The following CFAP46 variants were observed in gnomAD, a reference collection of about 807,000 sequenced individuals.
CFAP46 encodes cilia- and flagella-associated protein 46.
A neutral mutation model predicts 325.7 loss-of-function variants in CFAP46; 245 were observed. The ratio of observed to expected loss-of-function variants is 0.75; its 90% CI spans 0.68 to 0.84. The LOEUF (loss-of-function observed/expected upper bound fraction) is 0.84. Ranked by LOEUF, CFAP46 falls within the 40% of genes least tolerant of loss-of-function variation. The pLI is 0.00. For missense variants in CFAP46, 3,346 were observed against 3,543.0 expected (o/e 0.94, Z 1.41); for synonymous variants, 1,523 against 1,495.9 (o/e 1.02, Z -0.42).
At chr10:132,862,322 C>T (rs1224900337) in intron 35 of CFAP46, among the ~76,000 whole-genome samples, 8 of 152,008 alleles carry the variant, frequency 5.3e-5, no homozygotes, top group East Asian at 1.9e-4. Context: ...TACAGTGGGC[C>T]GGAGGCCGGC....
intron 32 of CFAP46, chr10:132,872,447 T>G (rs1197010758): frequency 3.8e-6 from 2 of 525,010 alleles, no homozygotes; most frequent in Non-Finnish European, 6.8e-6. Context: ...TTTGTAGAGA[T>G]GGGGTCTTGC....
chr10:132,858,220 G>A (rs1176497630), intron 38 of CFAP46, among the ~76,000 whole-genome samples: 1 of 152,144 alleles, frequency 6.6e-6, no homozygotes, highest in African/African-American at 2.4e-5. Flanking sequence ...GTGTGGACAA[G>A]TCCGGGGGCC....
intron 17 of CFAP46, 107 bp downstream of exon 17, chr10:132,916,442 G>T: frequency 8.0e-7 from 1 of 1,243,594 alleles, no homozygotes. Flanking sequence ...AGAAGCCGGT[G>T]TCCTTACGAA....
intron 22 of CFAP46, among the ~76,000 whole-genome samples, chr10:132,906,333 G>A (rs958101983): frequency 4.6e-5 from 7 of 152,266 alleles, no homozygotes; most frequent in Non-Finnish European, 8.8e-5. Flanking sequence ...TTCAGTCCCA[G>A]CTCTGCCACT....
Position 132,910,082 on chromosome 10 carries a change from G to A in CFAP46, c.2500-14C>T. On this transcript the variant is annotated splice_polypyrimidine_tract_variant and intron_variant, in intron 19 of 57. Coordinates refer to ENST00000368586, the MANE Select transcript of CFAP46 (RefSeq NM_001200049.3). The stretch of plus-strand genomic sequence containing the variant: ...AAACTCGCAGACCTAGGACAGACGT[G>A]TTCTCGGTCACGAAACCTGAATTCT... 1 of 1,408,062 alleles carries A rather than the reference G, an allele frequency of 7.1e-7. No homozygotes were observed. Among genetic ancestry groups the A allele is most frequent in the Non-Finnish European group, 9.3e-7 (1 of 1,076,404 alleles). 87.2% of individuals were successfully genotyped at this position (1,408,062 alleles called of 1,614,324 possible).
intron 50 of CFAP46, among the ~76,000 whole-genome samples, chr10:132,825,241 CCTGATGTGTGCTGTGTGAGTG>C (rs1432958805): frequency 5.3e-5 from 5 of 94,350 alleles, no homozygotes; most frequent in African/African-American, 1.2e-4. Context: ...GTGTGTGTGC[CCTGATGTGTGCTGTGTGAGTG>C]CTGATGTGTG....
chr10:132,842,080 G>A (rs1011473016), intron 44 of CFAP46, among the ~76,000 whole-genome samples: 1 of 152,236 alleles, frequency 6.6e-6, no homozygotes, highest in African/African-American at 2.4e-5. Flanking sequence ...AGAGCTTCCA[G>A]ATCCTTCCGC....
At chr10:132,880,118 ATGTG>A (rs142292189) in intron 28 of CFAP46, among the ~76,000 whole-genome samples, 2 of 150,640 alleles carry the variant, frequency 1.3e-5, no homozygotes, top group African/African-American at 2.4e-5. Context: ...GTGTGCATGT[ATGTG>A]TGTGTGTGTG....
chr10:132,910,289 C>T (rs1004264580), intron 19 of CFAP46, among the ~76,000 whole-genome samples: 10 of 152,234 alleles, frequency 6.6e-5, no homozygotes, highest in African/African-American at 9.6e-5. Context: ...GCCTCCAGTG[C>T]GCCCCGGCCC....
chr10:132,940,898 G>T, intron 4 of CFAP46, 98 bp downstream of exon 4: 1 of 1,227,770 alleles, frequency 8.1e-7, no homozygotes. Flanking sequence ...CAAACGAGGG[G>T]AAACCCCACA....
At chr10:132,928,739 G>A (rs755458477) in intron 9 of CFAP46, among the ~76,000 whole-genome samples, 14 of 152,134 alleles carry the variant, frequency 9.2e-5, no homozygotes, top group South Asian at 2.1e-4. Context: ...TGTGTAAAGC[G>A]ACACTCAGTT....
intron 35 of CFAP46, among the ~76,000 whole-genome samples, chr10:132,861,580 G>A (rs1251291721): frequency 6.6e-6 from 1 of 152,222 alleles, no homozygotes; most frequent in Non-Finnish European, 1.5e-5. Flanking sequence ...CCATCCGGGG[G>A]CCTGCAGCCA....
intron 50 of CFAP46, among the ~76,000 whole-genome samples, chr10:132,822,287 T>A (rs1565036116): frequency 7.7e-6 from 1 of 130,386 alleles, no homozygotes; most frequent in Non-Finnish European, 1.6e-5. Flanking sequence ...TGAGTGCTGG[T>A]GTGCTGATGT....
In CFAP46 at chr10:132,912,722, A is replaced by C. The variant is rs1433897118; in HGVS notation, c.2432T>G (p.Met811Arg). Reference sequence around the variant, plus strand: ...TGGGCTGTGAAACGCGTTTGGTCGCATGAATTTCCTGGACTTCTCGGCAGC... The same window carrying C: ...TGGGCTGTGAAACGCGTTTGGTCGCCTGAATTTCCTGGACTTCTCGGCAGC... ...VQAAEKSRKF[M>R]RPNAFHSPLD... The change falls in exon 19 of 58, where the codon ATG becomes AGG. Residue 811 changes from methionine (M) to arginine (R), a missense_variant. Transcript: ENST00000368586. The C allele has an allele frequency of 6.5e-7, 1 of 1,550,224 alleles. No homozygotes were observed. The highest frequency in any genetic ancestry group is 1.2e-5 in the South Asian group (1 of 84,060).
intron 40 of CFAP46, among the ~76,000 whole-genome samples, chr10:132,850,768 T>G (rs528142337): frequency 6.6e-6 from 1 of 152,282 alleles, no homozygotes; most frequent in Admixed American, 6.5e-5. Context: ...ATTCTACATA[T>G]TCAACTTTTT....
chr10:132,898,819 C>T (rs1232620048), intron 24 of CFAP46, 140 bp downstream of exon 24: 1 of 1,195,344 alleles, frequency 8.4e-7, no homozygotes, highest in Non-Finnish European at 1.2e-6. Context: ...CCTTAACCCC[C>T]TCCCCTCCTC....
At chr10:132,880,711 A>G in intron 28 of CFAP46, 150 bp downstream of exon 28, 2 of 574,740 alleles carry the variant, frequency 3.5e-6, no homozygotes, top group Non-Finnish European at 2.4e-6. Flanking sequence ...GGGCCCCTGC[A>G]GAGGACAGCG....
intron 16 of CFAP46, among the ~76,000 whole-genome samples, chr10:132,917,367 G>A (rs866205010): frequency 1.2e-4 from 18 of 152,246 alleles, no homozygotes; most frequent in African/African-American, 3.9e-4. Flanking sequence ...GGTGCAGCGC[G>A]GTGGCTGCGA....
In CFAP46 at chr10:132,814,859, C is replaced by T. The variant is rs150957319; in HGVS notation, c.7173G>A (p.Ala2391=). ...CCCCACCCACCTTCCTGCCCTTCTT[C>T]GCTAGGCTTCTCTTTTTGGGGTCTC... The part of the protein sequence containing the change: ...RSRDPKKRSL[A]KKGRKGSIPR... The change falls in exon 51 of 58, where the codon GCG becomes GCA. Residue 2391 remains alanine (A), a synonymous_variant. Transcript: ENST00000368586. 3.8e-5 allele frequency: 62 copies of T among 1,614,064 alleles called. No individual in the cohort carries two copies. Among genetic ancestry groups the T allele is most frequent in the South Asian group, 6.6e-5 (6 of 91,084 alleles).
Sources: gnomAD v4.1 joint callset for allele counts (sites outside exome capture counted in the v4.1 genomes callset) on GRCh38, gnomAD v4.1.1 for gene constraint, MANE v1.5 for transcripts, NCBI Gene and HGNC (gene_info 2026-07-23, HGNC 2026-07-21) for gene names.